The following COBL variants were observed in gnomAD, a reference collection of about 807,000 sequenced individuals.
COBL encodes the protein protein cordon-bleu.
In COBL, 51 loss-of-function variants were observed where a neutral mutation model predicts 98.8. That is an observed-to-expected ratio of 0.52 (90% CI 0.41 to 0.65). COBL has a LOEUF of 0.65. COBL is among the 30% of genes least tolerant of loss of function. The probability of loss-of-function intolerance (pLI) is 0.00; values close to 1 mark genes in which losing one functional copy is unlikely to be tolerated. For synonymous variants in COBL, 634 were observed against 651.7 expected, an observed-to-expected ratio of 0.97 and a Z score of 0.41; for missense variants, 1,617 against 1,617.5, an observed-to-expected ratio of 1.00 and a Z score of 0.01.
chr7:51,185,767 T>C (rs1789434694), intron 4 of COBL, among the ~76,000 whole-genome samples: 1 of 152,256 alleles, frequency 6.6e-6, no homozygotes, highest in Admixed American at 6.5e-5. Flanking sequence ...AATTAACTTC[T>C]TGACCTGCTA....
chr7:51,142,541 G>A (rs760858127), intron 5 of COBL, among the ~76,000 whole-genome samples: 4 of 151,834 alleles, frequency 2.6e-5, no homozygotes, highest in Non-Finnish European at 4.4e-5. Context: ...GTGCCACCAC[G>A]CCCGGCTAAT....
chr7:51,025,656 C>T (rs910162297), intron 11 of COBL, among the ~76,000 whole-genome samples: 44 of 152,204 alleles, frequency 2.9e-4, no homozygotes, highest in Non-Finnish European at 5.1e-4. Context: ...TGATCTTAGA[C>T]TTTGAGCATC....
intron 6 of COBL, among the ~76,000 whole-genome samples, chr7:51,127,683 C>T (rs6593332): frequency 0.95 from 143,927 of 152,212 alleles, 68,275 homozygotes; most frequent in African/African-American, 0.99. Flanking sequence ...GTCTGGGGGG[C>T]GTGGCTATAA....
Position 51,027,080 on chromosome 7 carries a change from T to C in COBL, c.3385-415A>G, listed in dbSNP as rs141974033. ...CAGAGCCGATGTGTGTGTTTACATC[T>C]TGCAGACCCAGAAGAGAATCCATGG... On this transcript the variant is annotated intron_variant, in intron 10 of 12. Transcript: ENST00000265136. Among the ~76,000 whole-genome samples the C allele has an allele frequency of 4.3e-3, 652 of 152,332 alleles. 5 individuals carry two copies. The highest frequency in any genetic ancestry group is 0.025 in the South Asian group (121 of 4,826).
intron 9 of COBL, 74 bp from the exon 10 acceptor site, chr7:51,029,665 T>C: frequency 7.9e-7 from 1 of 1,272,814 alleles, no homozygotes; most frequent in South Asian, 1.5e-5. Context: ...GCCATGACTT[T>C]GATTTCCCTG....
At chr7:51,208,274 C>G (rs1172442632) in intron 2 of COBL, among the ~76,000 whole-genome samples, 1 of 151,826 alleles carries the variant, frequency 6.6e-6, no homozygotes, top group African/African-American at 2.4e-5. Flanking sequence ...CTCCGCCCGG[C>G]AGCCACCCCG....
chr7:51,233,522 C>T lies in COBL; in HGVS notation c.42-13578G>A, dbSNP rs994379668. 2.6e-5 allele frequency among the ~76,000 whole-genome samples: 4 copies of T among 152,174 alleles called. No individual in the cohort carries two copies. The East Asian group carries it at 5.8e-4, about 22-fold the overall frequency. The stretch of plus-strand genomic sequence containing the variant: ...AAATCCTAAGACAAAAACTGCAGAG[C>T]GAGACGTGAGACAGCAGGCCGTGCG... On this transcript the variant is annotated intron_variant, in intron 1 of 12. Coordinates refer to ENST00000265136, the MANE Select transcript of COBL (RefSeq NM_015198.5).
At chr7:51,077,689 G>T (rs567710768) in intron 7 of COBL, among the ~76,000 whole-genome samples, 2 of 152,294 alleles carry the variant, frequency 1.3e-5, no homozygotes, top group South Asian at 4.2e-4. Flanking sequence ...TTACTACAAA[G>T]ACTATCAAGA....
intron 2 of COBL, among the ~76,000 whole-genome samples, chr7:51,198,221 C>A (rs1790778593): frequency 6.6e-6 from 1 of 152,150 alleles, no homozygotes; most frequent in South Asian, 2.1e-4. Context: ...ATTCCTTCAG[C>A]ATTTGCTTAT....
chr7:51,106,577 A>G (rs1197460003), intron 6 of COBL, among the ~76,000 whole-genome samples: 1 of 152,228 alleles, frequency 6.6e-6, no homozygotes, highest in East Asian at 1.9e-4. Flanking sequence ...ATTTGCTGTT[A>G]GATAAATATA....
In COBL at chr7:51,203,360, G is replaced by A. The variant is rs1331407451; in HGVS notation, c.246-9771C>T. 2.3e-4 allele frequency among the ~76,000 whole-genome samples: 32 copies of A among 136,988 alleles called. 3 individuals are homozygous for A. The highest frequency in any genetic ancestry group is 4.0e-4 in the Non-Finnish European group (26 of 65,210). 89.9% of individuals were successfully genotyped at this position (136,988 alleles called of 152,430 possible). ...GCCTGTAGTCCCAGCTACTCGGGAG[G>A]CTGAGGCAGGAGAATGGCGTGAACC... On this transcript the variant is annotated intron_variant, in intron 2 of 12. Coordinates refer to ENST00000265136, the MANE Select transcript of COBL (RefSeq NM_015198.5).
intron 1 of COBL, among the ~76,000 whole-genome samples, chr7:51,274,230 G>GCCTTCCCTCCCAAACACA (rs1182385925): frequency 6.6e-6 from 1 of 152,046 alleles, no homozygotes; most frequent in Non-Finnish European, 1.5e-5. Flanking sequence ...TTGCTGCAAC[G>GCCTTCCCTCCCAAACACA]CCTTCCCTCC....
chr7:51,279,475 T>G (rs1563120828), intron 1 of COBL, among the ~76,000 whole-genome samples: 1 of 152,260 alleles, frequency 6.6e-6, no homozygotes. Flanking sequence ...AATAGACTTT[T>G]TTCTTTTAGC....
chr7:51,039,314 T>G (rs1423053234), intron 8 of COBL, among the ~76,000 whole-genome samples: 1 of 152,234 alleles, frequency 6.6e-6, no homozygotes, highest in East Asian at 1.9e-4. Flanking sequence ...GCCACATCCC[T>G]GTGAACAGTG....
At chr7:51,050,814 G>T (rs917965493) in intron 7 of COBL, among the ~76,000 whole-genome samples, 1 of 152,086 alleles carries the variant, frequency 6.6e-6, no homozygotes, top group African/African-American at 2.4e-5. Flanking sequence ...CTAAAAAATC[G>T]CCACAAAACC....
At chr7:51,106,871 C>CT (rs11334432) in intron 6 of COBL, among the ~76,000 whole-genome samples, 16 of 151,448 alleles carry the variant, frequency 1.1e-4, no homozygotes, top group African/African-American at 3.2e-4. Context: ...TGTTTAAGTC[C>CT]TTTTTTTTTC....
At chr7:51,302,911 A>G (rs1802114351) in intron 1 of COBL, among the ~76,000 whole-genome samples, 1 of 151,986 alleles carries the variant, frequency 6.6e-6, no homozygotes, top group African/African-American at 2.4e-5. Context: ...CTCACCCCCA[A>G]CCAAACGGCT....
At chr7:51,314,752 G>A (rs1803372714) in intron 1 of COBL, among the ~76,000 whole-genome samples, 1 of 152,174 alleles carries the variant, frequency 6.6e-6, no homozygotes, top group South Asian at 2.1e-4. Flanking sequence ...ATTAGACACT[G>A]GATATGAGTG....
intron 6 of COBL, among the ~76,000 whole-genome samples, chr7:51,117,430 ATTGAT>A (rs1195506712): frequency 6.6e-6 from 1 of 151,952 alleles, no homozygotes; most frequent in Non-Finnish European, 1.5e-5. Flanking sequence ...GATATTTCAA[ATTGAT>A]TTATTTTCAA....
Sources: allele counts gnomAD v4.1 joint callset (sites outside exome capture counted in the v4.1 genomes callset), GRCh38; gene constraint gnomAD v4.1.1; transcripts MANE v1.5; gene names NCBI Gene and HGNC (gene_info 2026-07-23, HGNC 2026-07-21).